Variants in CCDC40 observed in about 807,000 individuals in gnomAD.
CCDC40 encodes the protein coiled-coil domain-containing protein 40.
Under a neutral mutation model 124.5 loss-of-function variants are expected in CCDC40, and 104 were observed. That is an observed-to-expected ratio of 0.84 (90% CI 0.71 to 0.98). CCDC40 has a LOEUF of 0.98. Among genes scored for constraint, CCDC40 ranks in the 50% least tolerant of loss-of-function variants. The probability of loss-of-function intolerance (pLI) is 0.00; values close to 1 mark genes in which losing one functional copy is unlikely to be tolerated. For synonymous variants in CCDC40, 580 were observed against 602.9 expected (o/e 0.96, Z 0.56); for missense variants, 1,463 against 1,503.9 (o/e 0.97, Z 0.45).
chr17:80,066,027 G>A lies in CCDC40; in HGVS notation c.1562+421G>A, dbSNP rs1568691919. The A allele has an allele frequency of 1.5e-6, 1 of 687,078 alleles. No individual in the cohort carries two copies. Among genetic ancestry groups the A allele is most frequent in the African/African-American group, 1.8e-5 (1 of 56,308 alleles). The allele number at this position is 687,078 out of a possible 1,614,324, so 42.6% of individuals were successfully genotyped here. A position where few individuals can be genotyped will look rare whatever the true frequency, so the allele number is the denominator to read the frequency against. On this transcript the variant is annotated intron_variant, in intron 10 of 19. Transcript: ENST00000397545. This position sits in a 1 kb window ranked among gnomAD's most constrained non-coding sequence, Gnocchi z 4.4. ...TTAATCTCCAAAGGAAGGGGAGGAA[G>A]AGGCCTCCTCTGGGCATCCCCTCAC...
Position 80,040,085 on chromosome 17 carries a change from C to A in CCDC40, c.367C>A (p.Leu123Met). ...TYPYFSPPQE[L>M]PGEEAYDSVS... ...CCCGTATTTCAGTCCTCCTCAGGAA[C>A]TGCCTGGAGAGGAGGCATACGATAG... Residue 123 changes from leucine (L) to methionine (M), a missense_variant, in exon 3 of 20, where the codon CTG (leucine) becomes ATG (methionine). By Grantham distance (15) the Leu-to-Met change is conservative. Coordinates refer to ENST00000397545, the MANE Select transcript of CCDC40 (RefSeq NM_017950.4). 6.2e-7 allele frequency: 1 copy of A among 1,614,098 alleles called. No homozygotes were observed. The highest frequency in any genetic ancestry group is 8.5e-7 in the Non-Finnish European group (1 of 1,179,922).
rs536600042 is a variant in CCDC40 at position 80,069,794 on chromosome 17, C to CAG, written c.1562+4202_1562+4203dup. Among the ~76,000 whole-genome samples, 625 of 150,640 alleles carry CAG rather than the reference C, an allele frequency of 4.1e-3. 6 individuals carry two copies. The highest frequency in any genetic ancestry group is 0.014 in the African/African-American group (585 of 41,086). On this transcript the variant is annotated intron_variant, in intron 10 of 19. Coordinates refer to ENST00000397545, the MANE Select transcript of CCDC40 (RefSeq NM_017950.4). ...AAGAAAAAAAAGAGAGAGAGAGAGA[C>CAG]AGAGAGAGAGAGAGAAAAAAAGAAA...
chr17:80,091,541 C>T (rs2038724578), intron 17 of CCDC40, among the ~76,000 whole-genome samples: 1 of 4,096 alleles, frequency 2.4e-4, no homozygotes, highest in Admixed American at 5.1e-3. Flanking sequence ...CGTCCCACCA[C>T]CTTCTTCTGC....
chr17:80,081,086 A>C (rs2038435843), intron 10 of CCDC40, among the ~76,000 whole-genome samples: 1 of 152,212 alleles, frequency 6.6e-6, no homozygotes, highest in Non-Finnish European at 1.5e-5. Context: ...GCTGCTATTA[A>C]AAGAGTTGGT....
intron 13 of CCDC40, 126 bp downstream of exon 13, chr17:80,085,114 C>G: frequency 8.0e-7 from 1 of 1,253,856 alleles, no homozygotes; most frequent in Non-Finnish European, 1.1e-6. Context: ...CTTTCCCTAC[C>G]TGCTTTACAG....
At chr17:80,059,031 A>G (rs1379704480) in intron 9 of CCDC40, 51 bp downstream of exon 9, 7 of 1,612,336 alleles carry the variant, frequency 4.3e-6, no homozygotes, top group Non-Finnish European at 5.9e-6. Context: ...GTGAGTGTCC[A>G]CGCACAGGGT....
chr17:80,079,612 C>A (rs1037197026), intron 10 of CCDC40, among the ~76,000 whole-genome samples: 3 of 152,000 alleles, frequency 2.0e-5, no homozygotes, highest in Non-Finnish European at 4.4e-5. Flanking sequence ...CAATAAATAT[C>A]CACACACATT....
chr17:80,067,308 C>A (rs529822503), intron 10 of CCDC40: 84 of 574,560 alleles, frequency 1.5e-4, no homozygotes, highest in Admixed American at 4.9e-4. Context: ...ATCAGGTCTC[C>A]TCCTCCTCGG....
rs749149352 is a variant in CCDC40, at chr17:80,066,242, A to C, written c.1562+636A>C. The C allele has an allele frequency of 1.0e-5, 7 of 700,898 alleles. No individual in the cohort carries two copies. The highest frequency in any genetic ancestry group is 3.0e-5 in the South Asian group (2 of 67,390). The allele number at this position is 700,898 out of a possible 1,614,324, so 43.4% of individuals were successfully genotyped here. Reference sequence around the variant, plus strand: ...TTCGTAGTCTCCACCCCTTGTGCCCAGCACAGAGCCTGGCATACAGCAAGC... The same window carrying C: ...TTCGTAGTCTCCACCCCTTGTGCCCCGCACAGAGCCTGGCATACAGCAAGC... On this transcript the variant is annotated intron_variant, in intron 10 of 19. Coordinates refer to ENST00000397545, the MANE Select transcript of CCDC40 (RefSeq NM_017950.4). The surrounding 1 kb of genome is among the most constrained non-coding windows in gnomAD (Gnocchi z 4.4).
chr17:80,037,696 CATATATAT>C (rs71163910), intron 1 of CCDC40, among the ~76,000 whole-genome samples: 1 of 94,748 alleles, frequency 1.1e-5, no homozygotes, highest in African/African-American at 3.7e-5. Context: ...AAAAGATATA[CATATATAT>C]ATATATATAT....
rs182960117 is a variant in CCDC40 at position 80,052,465 on chromosome 17, T to A, written c.1159+2182T>A. Among the ~76,000 whole-genome samples, 62 of 152,282 alleles carry A rather than the reference T, an allele frequency of 4.1e-4. 1 individual carries two copies. Among genetic ancestry groups the A allele is most frequent in the South Asian group, 1.9e-3 (9 of 4,826 alleles). ...CCAGATTGGGGGTGGGTCTGCCTTT[T>A]CCCAGGCCACTGACTCAAATGTTAA... On this transcript the variant is annotated intron_variant, in intron 7 of 19. Transcript: ENST00000397545.
At chr17:80,046,982 A>T (rs976709228) in intron 3 of CCDC40, among the ~76,000 whole-genome samples, 2 of 151,990 alleles carry the variant, frequency 1.3e-5, no homozygotes, top group Non-Finnish European at 2.9e-5. Context: ...AGTAGCTGGG[A>T]TTACAGGTGC....
Position 80,084,778 on chromosome 17 carries a change from C to T in CCDC40, c.2025C>T (p.Ala675=). ...THLSKINGDI[A]QTTLDITHTS... is the part of the protein sequence containing the mutation. ...TTTCCAAAATCAACGGTGACATTGC[C>T]CAGACCACCCTGGACATCACACACA... The change falls in exon 13 of 20, where the codon GCC becomes GCT. Residue 675 remains alanine, a synonymous_variant. Coordinates refer to ENST00000397545, the MANE Select transcript of CCDC40 (RefSeq NM_017950.4). 6.2e-7 allele frequency: 1 copy of T among 1,614,032 alleles called. No individual in the cohort carries two copies. The highest frequency in any genetic ancestry group is 8.5e-7 in the Non-Finnish European group (1 of 1,179,992).
rs1042805469 is a variant in CCDC40 at position 80,058,183 on chromosome 17, C to G, written c.1160-311C>G. Among the ~76,000 whole-genome samples, 7 of 152,218 alleles carry G rather than the reference C, an allele frequency of 4.6e-5. No homozygotes were observed. Among genetic ancestry groups the G allele is most frequent in the Non-Finnish European group, 7.3e-5 (5 of 68,040 alleles). On this transcript the variant is annotated intron_variant, in intron 7 of 19. Transcript: ENST00000397545. This position sits in a 1 kb window ranked among gnomAD's most constrained non-coding sequence, Gnocchi z 4.2. ...ATGCAATCAACCCGAAGCCTTACCA[C>G]CTGGCACTACTTCAGTGTATCCTTA...
chr17:80,100,027 A>T lies in CCDC40; in HGVS notation c.*252A>T. ...ACAGAGCCTGTGACTGCAGACCCAC[A>T]CACCCACACTCCCACACTGGGCTTA... On this transcript the variant is annotated 3_prime_UTR_variant, in exon 20 of 20. Coordinates refer to ENST00000397545, the MANE Select transcript of CCDC40 (RefSeq NM_017950.4). 1.9e-6 allele frequency: 1 copy of T among 534,394 alleles called. No individual in the cohort carries two copies. Among genetic ancestry groups the T allele is most frequent in the South Asian group, 2.0e-5 (1 of 49,316 alleles). The allele number at this position is 534,394 out of a possible 1,614,324, so 33.1% of individuals were successfully genotyped here.
intron 10 of CCDC40, among the ~76,000 whole-genome samples, chr17:80,071,038 C>T (rs959289946): frequency 2.0e-5 from 3 of 152,204 alleles, no homozygotes; most frequent in African/African-American, 7.2e-5. Context: ...CCAGGCAATC[C>T]AACGTGGGTC....
chr17:80,098,899 T>G (rs1229720321), intron 19 of CCDC40: 4 of 149,768 alleles, frequency 2.7e-5, no homozygotes, highest in Non-Finnish European at 4.4e-5. Flanking sequence ...GTGAATCGCT[T>G]GAAGCCGGGA....
rs2038547337 is a variant in CCDC40 at position 80,084,946 on chromosome 17, C to T, written c.2193C>T (p.Asn731=). The change falls in exon 13 of 20, where the codon AAC becomes AAT. Residue 731 remains asparagine (N), a synonymous_variant. Transcript: ENST00000397545. ...TCGAGAGGAAGCAAGGGCTCATCAA[C>T]TTCCTCAACAAGCAGCTGGAGCGGA... The part of the protein sequence containing the change: ...ILIERKQGLI[N]FLNKQLERMV... 6.2e-7 allele frequency: 1 copy of T among 1,614,068 alleles called. No individual in the cohort carries two copies. Among genetic ancestry groups the T allele is most frequent in the Non-Finnish European group, 8.5e-7 (1 of 1,180,038 alleles).
intron 10 of CCDC40, chr17:80,067,279 A>G (rs2038069278): frequency 1.9e-6 from 1 of 513,856 alleles, no homozygotes; most frequent in Non-Finnish European, 3.5e-6. Context: ...GGTTGCAAAC[A>G]TTGTAAAAAT....
Sources: gnomAD v4.1 joint callset for allele counts (sites outside exome capture counted in the v4.1 genomes callset) on GRCh38, gnomAD v4.1.1 for gene constraint, Gnocchi (gnomAD v3.1) non-coding constraint, MANE v1.5 for transcripts, NCBI Gene and HGNC (gene_info 2026-07-23, HGNC 2026-07-21) for gene names.